CTIF: variants seen among roughly 807,000 people sequenced by gnomAD.
The protein encoded by CTIF is CBP80/20-dependent translation initiation factor.
CTIF carries 21 observed loss-of-function variants against 66.0 expected under a neutral mutation model. The ratio of observed to expected loss-of-function variants is 0.32; its 90% CI spans 0.23 to 0.46. The LOEUF (loss-of-function observed/expected upper bound fraction) is 0.46. CTIF is among the 20% of genes least tolerant of loss of function. The pLI, the probability that CTIF is intolerant of heterozygous loss-of-function variation, is 1.00. For synonymous variants in CTIF, 345 were observed against 326.4 expected (o/e 1.06, Z -0.62); for missense variants, 739 against 812.7 (o/e 0.91, Z 1.10).
In CTIF at chr18:48,670,623, A is replaced by T. The variant is rs368580312; in HGVS notation, c.432-46A>T. On this transcript the variant is annotated intron_variant, in intron 5 of 11. Coordinates refer to ENST00000256413, the MANE Select transcript of CTIF (RefSeq NM_014772.3). ...CTGCTGGCCGGATGGGACAGGAGGC[A>T]TGAATGAGCCATCTTTCCAATGCCT... 3 of 1,552,684 alleles carry T rather than the reference A, an allele frequency of 1.9e-6. No individual in the cohort carries two copies. In the African/African-American group the frequency reaches 4.1e-5, roughly 21 times the overall value.
In CTIF at chr18:48,724,743, C is replaced by T. The variant is rs927351516; in HGVS notation, c.584+13048C>T. Among the ~76,000 whole-genome samples, 24 of 152,204 alleles carry T rather than the reference C, an allele frequency of 1.6e-4. 1 individual carries two copies. The highest frequency in any genetic ancestry group is 3.9e-4 in the Admixed American group (6 of 15,278). On this transcript the variant is annotated intron_variant, in intron 7 of 11. Coordinates refer to ENST00000256413, the MANE Select transcript of CTIF (RefSeq NM_014772.3). ...AGGGACTTAGGGAAGGGCAGAGGGC[C>T]GGAGAGCATCCAGCACACACATTCA...
intron 3 of CTIF, among the ~76,000 whole-genome samples, chr18:48,655,275 A>G (rs1311713674): frequency 1.4e-5 from 2 of 146,628 alleles, no homozygotes; most frequent in Non-Finnish European, 3.0e-5. Flanking sequence ...ACTGCACTCC[A>G]GCCTGGGCCA....
At chr18:48,678,399 C>T (rs1479557726) in intron 6 of CTIF, among the ~76,000 whole-genome samples, 1 of 151,850 alleles carries the variant, frequency 6.6e-6, no homozygotes. Flanking sequence ...GAGCCCCTTT[C>T]CCTCCCCAGC....
intron 9 of CTIF, among the ~76,000 whole-genome samples, chr18:48,798,933 C>G (rs1378402551): frequency 6.6e-6 from 1 of 152,134 alleles, no homozygotes; most frequent in Non-Finnish European, 1.5e-5. Context: ...AATGAGCCGA[C>G]CGAAAATGTC....
At chr18:48,617,269 G>C (rs2090416999) in intron 1 of CTIF, among the ~76,000 whole-genome samples, 1 of 152,216 alleles carries the variant, frequency 6.6e-6, no homozygotes, top group Admixed American at 6.5e-5. Context: ...TCTTTCTCAT[G>C]CTTTGGATCT....
intron 3 of CTIF, among the ~76,000 whole-genome samples, chr18:48,653,310 T>C (rs1260497910): frequency 6.6e-6 from 1 of 152,140 alleles, no homozygotes. Context: ...TGTGCAAAAA[T>C]CACAAGCATT....
At chr18:48,564,060 C>T (rs919938015) in intron 1 of CTIF, among the ~76,000 whole-genome samples, 2 of 152,202 alleles carry the variant, frequency 1.3e-5, no homozygotes, top group Non-Finnish European at 2.9e-5. Flanking sequence ...CCACACTTGG[C>T]TCTCCCTTGG....
intron 10 of CTIF, among the ~76,000 whole-genome samples, chr18:48,836,744 T>TAGG (rs2068819719): frequency 6.6e-6 from 1 of 152,216 alleles, no homozygotes; most frequent in Admixed American, 6.5e-5. Context: ...AACAACCAGC[T>TAGG]AGGAGTCAGG....
At chr18:48,748,149 C>G (rs982601306) in intron 7 of CTIF, among the ~76,000 whole-genome samples, 1 of 151,878 alleles carries the variant, frequency 6.6e-6, no homozygotes, top group Non-Finnish European at 1.5e-5. Flanking sequence ...TCTAGAAGAG[C>G]GCAGATGGGT....
chr18:48,599,239 G>A (rs367849240), intron 1 of CTIF, among the ~76,000 whole-genome samples: 1 of 152,262 alleles, frequency 6.6e-6, no homozygotes, highest in East Asian at 1.9e-4. Flanking sequence ...TGTCCAGCAT[G>A]TGACCGGATC....
At chr18:48,631,427 C>T (rs912104149) in intron 2 of CTIF, among the ~76,000 whole-genome samples, 3 of 152,268 alleles carry the variant, frequency 2.0e-5, no homozygotes, top group Non-Finnish European at 4.4e-5. Context: ...GATTGTGCCA[C>T]TGCACTCCAG....
chr18:48,639,047 C>T (rs993465748), intron 3 of CTIF, among the ~76,000 whole-genome samples: 1 of 152,194 alleles, frequency 6.6e-6, no homozygotes, highest in Non-Finnish European at 1.5e-5. Flanking sequence ...AGGGGCTGGG[C>T]CACTGAGGGA....
chr18:48,861,277 A>C lies in CTIF; in HGVS notation c.*1718A>C. 1 of 152,422 alleles carries C rather than the reference A, an allele frequency of 6.6e-6. No homozygotes were observed. The highest frequency in any genetic ancestry group is 1.5e-5 in the Non-Finnish European group (1 of 68,102). The allele number at this position is 152,422 out of a possible 1,614,324, so 9.4% of individuals were successfully genotyped here. On this transcript the variant is annotated 3_prime_UTR_variant, in exon 12 of 12. Transcript: ENST00000256413. The stretch of plus-strand genomic sequence containing the variant: ...TTGGCGACAAGGTGTAGGGGGCACA[A>C]GTTTACCTGAAACAGGTCAGTGGTC...
At chr18:48,787,324 AAGAC>A (rs770512845) in intron 9 of CTIF, among the ~76,000 whole-genome samples, 4 of 152,142 alleles carry the variant, frequency 2.6e-5, no homozygotes, top group African/African-American at 4.8e-5. Context: ...GGAAGAAAGA[AAGAC>A]AGAAAGAGAG....
At chr18:48,806,449 A>G (rs1011643641) in intron 9 of CTIF, among the ~76,000 whole-genome samples, 3 of 152,224 alleles carry the variant, frequency 2.0e-5, no homozygotes, top group Admixed American at 6.5e-5. Context: ...CTCTCTGGAC[A>G]GAAACAAACC....
intron 9 of CTIF, among the ~76,000 whole-genome samples, chr18:48,807,274 A>G (rs968923637): frequency 1.3e-5 from 2 of 152,218 alleles, no homozygotes; most frequent in Non-Finnish European, 2.9e-5. Context: ...TAATGCAAAA[A>G]ATCAAGGAAA....
chr18:48,626,000 C>CTTTTTTTTTTTTTT (rs74174709), intron 2 of CTIF, among the ~76,000 whole-genome samples: 22 of 109,170 alleles, frequency 2.0e-4, no homozygotes, highest in African/African-American at 5.1e-4. Flanking sequence ...CTTTTTCTTT[C>CTTTTTTTTTTTTTT]TTTTTTTTTT....
chr18:48,776,581 A>G (rs1910699662), intron 9 of CTIF, among the ~76,000 whole-genome samples: 2 of 152,218 alleles, frequency 1.3e-5, no homozygotes, highest in Admixed American at 6.5e-5. Context: ...CAGCATCCCC[A>G]TAGGGGAAAC....
At chr18:48,626,194 G>A (rs1268897726) in intron 2 of CTIF, among the ~76,000 whole-genome samples, 1 of 151,514 alleles carries the variant, frequency 6.6e-6, no homozygotes, top group Non-Finnish European at 1.5e-5. Flanking sequence ...TAAAGATGGG[G>A]TTTCACCATA....
Sources: gnomAD v4.1 joint callset for allele counts (sites outside exome capture counted in the v4.1 genomes callset) on GRCh38, gnomAD v4.1.1 for gene constraint, MANE v1.5 for transcripts, NCBI Gene and HGNC (gene_info 2026-07-23, HGNC 2026-07-21) for gene names.